NFYB: variants seen among roughly 807,000 people sequenced by gnomAD.
The protein encoded by NFYB is nuclear transcription factor Y subunit beta.
Under a neutral mutation model 28.0 loss-of-function variants are expected in NFYB, and 13 were observed. The ratio of observed to expected loss-of-function variants is 0.46; its 90% CI spans 0.30 to 0.74. The LOEUF (loss-of-function observed/expected upper bound fraction) is 0.74, where lower values mean the gene tolerates loss of function less well. Among genes scored for constraint, NFYB ranks in the 30% least tolerant of loss-of-function variants. The pLI, the probability that NFYB is intolerant of heterozygous loss-of-function variation, is 0.07. For missense variants in NFYB, 142 were observed against 247.6 expected (o/e 0.57, Z 2.86); for synonymous variants, 74 against 75.0 (o/e 0.99, Z 0.07).
chr12:104,118,034 A>G lies in NFYB; in HGVS notation c.*1703T>C, dbSNP rs2030326973. ...CCAATAGAAGATTAAATGAATTATG[A>G]TTGAGTCATACAGCAGAATAATAAA... is the stretch of plus-strand genomic sequence containing the variant. On this transcript the variant is annotated 3_prime_UTR_variant, in exon 8 of 8. Coordinates refer to ENST00000240055, the MANE Select transcript of NFYB (RefSeq NM_006166.4). 1.3e-5 allele frequency: 2 copies of G among 152,222 alleles called. No individual in the cohort carries two copies. Among genetic ancestry groups the G allele is most frequent in the South Asian group, 4.1e-4 (2 of 4,828 alleles). The allele number at this position is 152,222 out of a possible 1,614,324, so 9.4% of individuals were successfully genotyped here.
chr12:104,118,229 A>G lies in NFYB; in HGVS notation c.*1508T>C, dbSNP rs73177982. ...ACAAATGATATTTATCAAAATATTA[A>G]CATTGGTTCTTTCAACATAGTAGGA... On this transcript the variant is annotated 3_prime_UTR_variant, in exon 8 of 8. Transcript: ENST00000240055. 9,545 of 152,314 alleles carry G rather than the reference A, an allele frequency of 0.063. 436 individuals are homozygous for G. Among genetic ancestry groups the G allele is most frequent in the Admixed American group, 0.099 (1,516 of 15,298 alleles). 9.4% of individuals were successfully genotyped at this position (152,314 alleles called of 1,614,324 possible).
intron 6 of NFYB, among the ~76,000 whole-genome samples, chr12:104,120,950 T>C (rs2030450278): frequency 1.3e-5 from 2 of 152,282 alleles, no homozygotes; most frequent in East Asian, 3.8e-4. Context: ...TCATAAGATT[T>C]TATATTACAA....
rs898564881 is a variant in NFYB, at chr12:104,119,056, A to G, written c.*681T>C. 3.3e-5 allele frequency: 5 copies of G among 152,456 alleles called. No individual in the cohort carries two copies. The highest frequency in any genetic ancestry group is 5.9e-5 in the Non-Finnish European group (4 of 68,044). 9.4% of individuals were successfully genotyped at this position (152,456 alleles called of 1,614,324 possible). On this transcript the variant is annotated 3_prime_UTR_variant, in exon 8 of 8. Transcript: ENST00000240055. The stretch of plus-strand genomic sequence containing the variant: ...AATCTAGTCTTAAAAAAGCTCCAGT[A>G]ACTAAAACTACATTAACAGGCACGA...
rs117910199 is a variant in NFYB at position 104,126,737 on chromosome 12, A to G, written c.101-493T>C. 4.4e-4 allele frequency among the ~76,000 whole-genome samples: 67 copies of G among 152,326 alleles called. No individual in the cohort carries two copies. The East Asian group carries it at 0.011, about 25-fold the overall frequency. ...TATTTATTATACGACTTAGCTATAAAACTTACAGACCGTAACCTATGGCTC... is the reference window on the plus strand; with the variant it reads ...TATTTATTATACGACTTAGCTATAAGACTTACAGACCGTAACCTATGGCTC... On this transcript the variant is annotated intron_variant, in intron 3 of 7. Transcript: ENST00000240055.
intron 4 of NFYB, among the ~76,000 whole-genome samples, chr12:104,125,692 T>C (rs2030674591): frequency 6.7e-6 from 1 of 149,286 alleles, no homozygotes; most frequent in South Asian, 2.1e-4. Flanking sequence ...CTACCAAAAA[T>C]ACAAAATTAG....
chr12:104,138,097 G>A (rs1437549276), intron 1 of NFYB, 44 bp downstream of exon 1: 1 of 147,996 alleles, frequency 6.8e-6, no homozygotes, highest in African/African-American at 2.4e-5. Context: ...GAGCTAAAGT[G>A]GAGTCGGTTT....
At position 104,119,714 on chromosome 12, in the gene NFYB, C is replaced by A. The variant is rs1214484159; in HGVS notation, c.*23G>T. The A allele has an allele frequency of 1.9e-6, 3 of 1,575,644 alleles. No individual in the cohort carries two copies. The highest frequency in any genetic ancestry group is 2.2e-5 in the East Asian group (1 of 44,502). ...ATACAGACTCTCATTTCTCTACACTCCCCATTCCATCATTTCTTCAGATCA... is the reference window on the plus strand; with the variant it reads ...ATACAGACTCTCATTTCTCTACACTACCCATTCCATCATTTCTTCAGATCA... On this transcript the variant is annotated 3_prime_UTR_variant, in exon 8 of 8. Coordinates refer to ENST00000240055, the MANE Select transcript of NFYB (RefSeq NM_006166.4).
intron 5 of NFYB, among the ~76,000 whole-genome samples, chr12:104,121,620 A>G (rs1443573588): frequency 6.6e-6 from 1 of 152,212 alleles, no homozygotes; most frequent in Non-Finnish European, 1.5e-5. Flanking sequence ...TTACAGATGA[A>G]GAAGTCTGCA....
At chr12:104,123,822 G>T (rs536879654) in intron 4 of NFYB, among the ~76,000 whole-genome samples, 3 of 152,120 alleles carry the variant, frequency 2.0e-5, no homozygotes, top group Non-Finnish European at 4.4e-5. Flanking sequence ...TTAGCTGGGC[G>T]TGGTGGCAGG....
At chr12:104,135,191 A>T (rs1460848228) in intron 2 of NFYB, among the ~76,000 whole-genome samples, 3 of 152,216 alleles carry the variant, frequency 2.0e-5, no homozygotes, top group African/African-American at 7.2e-5. Flanking sequence ...TATTCAATTA[A>T]TTGGCTAAAC....
Position 104,118,897 on chromosome 12 carries a change from G to A in NFYB, c.*840C>T, listed in dbSNP as rs927027856. 1 of 152,060 alleles carries A rather than the reference G, an allele frequency of 6.6e-6. No individual in the cohort carries two copies. Among genetic ancestry groups the A allele is most frequent in the Non-Finnish European group, 1.5e-5 (1 of 68,012 alleles). 9.4% of individuals were successfully genotyped at this position (152,060 alleles called of 1,614,324 possible). A position where few individuals can be genotyped will look rare whatever the true frequency, so the allele number is the denominator to read the frequency against. The stretch of plus-strand genomic sequence containing the variant: ...ACTATAAAACTCCTCTTCTGTAAGA[G>A]AATACTATAGTACTTGAAGATATGA... On this transcript the variant is annotated 3_prime_UTR_variant, in exon 8 of 8. Transcript: ENST00000240055.
Position 104,120,401 on chromosome 12 carries a change from T to TTC in NFYB, c.589_590insGA (p.Gln197ArgfsTer17). The TTC allele has an allele frequency of 6.2e-7, 1 of 1,611,518 alleles. No homozygotes were observed. Among genetic ancestry groups the TTC allele is most frequent in the Non-Finnish European group, 8.5e-7 (1 of 1,178,116 alleles). The stretch of plus-strand genomic sequence containing the variant: ...CATTTAAAATACAAAGGACTGTACC[T>TTC]GTTGATATGATGTTGTGTAAACCAT... On this transcript the variant is annotated frameshift_variant and splice_region_variant, in exon 7 of 8. Coordinates refer to ENST00000240055, the MANE Select transcript of NFYB (RefSeq NM_006166.4). LOFTEE classifies it high-confidence loss of function.
chr12:104,120,578 C>G (rs1425470904), intron 6 of NFYB, 99 bp from the exon 7 acceptor site: 1 of 800,794 alleles, frequency 1.2e-6, no homozygotes, highest in East Asian at 2.5e-5. Flanking sequence ...TACAATTCTG[C>G]CCGGTATCAA....
In NFYB at chr12:104,118,653, A is replaced by T. The variant is rs1236046120; in HGVS notation, c.*1084T>A. ...ATACTACTAAATTATACAAAGTTAC[A>T]TTATTTACGTTTAGTTTATTGCAGA... On this transcript the variant is annotated 3_prime_UTR_variant, in exon 8 of 8. Coordinates refer to ENST00000240055, the MANE Select transcript of NFYB (RefSeq NM_006166.4). 6.6e-6 allele frequency: 1 copy of T among 152,378 alleles called. No individual in the cohort carries two copies. Among genetic ancestry groups the T allele is most frequent in the East Asian group, 1.9e-4 (1 of 5,196 alleles). The allele number at this position is 152,378 out of a possible 1,614,324, so 9.4% of individuals were successfully genotyped here.
Position 104,128,474 on chromosome 12 carries a change from A to G in NFYB, c.50T>C (p.Ile17Thr), listed in dbSNP as rs1401690696. The G allele has an allele frequency of 6.2e-7, 1 of 1,612,978 alleles. No individual in the cohort carries two copies. Among genetic ancestry groups the G allele is most frequent in the East Asian group, 2.2e-5 (1 of 44,728 alleles). The change falls in exon 3 of 8, where the codon ATC (isoleucine) becomes ACC (threonine). Residue 17 changes from isoleucine to threonine, a missense_variant. By Grantham distance (89) the Ile-to-Thr change is moderately conservative. Transcript: ENST00000240055. ...SSTTDASQLG[I>T]SADYIGGSHY... The stretch of plus-strand genomic sequence containing the variant: ...ACTTCCTCCAATATAGTCTGCAGAG[A>G]TTCCTAGTTGAGAAGCATCTGTTGT...
intron 7 of NFYB, 59 bp downstream of exon 7, chr12:104,120,341 C>T: frequency 1.4e-6 from 2 of 1,416,738 alleles, no homozygotes; most frequent in African/African-American, 1.4e-5. Context: ...AGGCATGAGC[C>T]ATGGGGCCCT....
intron 4 of NFYB, 137 bp downstream of exon 4, chr12:104,125,977 T>C (rs1370740736): frequency 1.2e-5 from 11 of 887,420 alleles, no homozygotes; most frequent in East Asian, 2.8e-5. Context: ...ACTGTGTATG[T>C]AGACATGAAA....
At chr12:104,134,543 T>C (rs1229848922) in intron 2 of NFYB, among the ~76,000 whole-genome samples, 1 of 152,174 alleles carries the variant, frequency 6.6e-6, no homozygotes, top group African/African-American at 2.4e-5. Flanking sequence ...TTCCACTGGA[T>C]TACCACCCAG....
intron 3 of NFYB, among the ~76,000 whole-genome samples, chr12:104,127,824 C>T (rs1239552027): frequency 6.6e-6 from 1 of 151,858 alleles, no homozygotes; most frequent in African/African-American, 2.4e-5. Context: ...GCTGGGACTA[C>T]AGGTACATGC....
Sources: gnomAD v4.1 joint callset for allele counts (sites outside exome capture counted in the v4.1 genomes callset) on GRCh38, gnomAD v4.1.1 for gene constraint, MANE v1.5 for transcripts, NCBI Gene and HGNC (gene_info 2026-07-23, HGNC 2026-07-21) for gene names.